The following KIF13A variants were observed in gnomAD, a reference collection of about 807,000 sequenced individuals.
The protein encoded by KIF13A is kinesin family member 13A.
KIF13A carries 79 observed loss-of-function variants against 212.2 expected under a neutral mutation model. That is an observed-to-expected ratio of 0.37 (90% CI 0.31 to 0.45). The LOEUF is 0.45. Ranked by LOEUF, KIF13A falls within the 20% of genes least tolerant of loss-of-function variation. The probability of loss-of-function intolerance (pLI) is 1.00; values close to 1 mark genes in which losing one functional copy is unlikely to be tolerated. For missense variants in KIF13A, 1,901 were observed against 2,209.0 expected (o/e 0.86, Z 2.79); for synonymous variants, 789 against 808.6 (o/e 0.98, Z 0.41).
Position 17,871,315 on chromosome 6 carries a change from AT to A in KIF13A, c.220+2061del, listed in dbSNP as rs1417776070. Among the ~76,000 whole-genome samples the A allele has an allele frequency of 6.6e-6, 1 of 151,870 alleles. No homozygotes were observed. Among genetic ancestry groups the A allele is most frequent in the African/African-American group, 2.4e-5 (1 of 41,324 alleles). On this transcript the variant is annotated intron_variant, in intron 4 of 38. Coordinates refer to ENST00000259711, the MANE Select transcript of KIF13A (RefSeq NM_022113.6). This position sits in a 1 kb window ranked among gnomAD's most constrained non-coding sequence, Gnocchi z 4.4. ...TCCCAGACAATTGGTGCCTTTCCAG[AT>A]TTTCTCTCTTTAAAATCTGGTGCCT...
In KIF13A at chr6:17,793,914, T is replaced by A. The variant is rs551119488; in HGVS notation, c.3222+335A>T. Reference sequence around the variant, plus strand: ...GGCAACAAAGCAAAACCCTATCTTTTAAAAAAAAAACACACACAAAAAAAC... The same window carrying A: ...GGCAACAAAGCAAAACCCTATCTTTAAAAAAAAAAACACACACAAAAAAAC... On this transcript the variant is annotated intron_variant, in intron 25 of 38. Transcript: ENST00000259711. Among the ~76,000 whole-genome samples, 471 of 147,866 alleles carry A rather than the reference T, an allele frequency of 3.2e-3. 4 individuals carry two copies. In the Middle Eastern group the frequency reaches 0.034, roughly 11 times the overall value.
At chr6:17,907,905 G>A (rs528709974) in intron 2 of KIF13A, among the ~76,000 whole-genome samples, 147 of 152,240 alleles carry the variant, frequency 9.7e-4, no homozygotes, top group African/African-American at 3.4e-3. Flanking sequence ...GAATGACATG[G>A]CCAGATCTGT....
In KIF13A at chr6:17,947,494, CGTTGCCT is replaced by C. The variant is rs1777507011; in HGVS notation, c.146+39553_146+39559del. ...TCTTAACTTCAAAAGTTCAAAACTT[CGTTGCCT>C]GTTAAATTTCCTGAATTTGGTAATA... On this transcript the variant is annotated intron_variant, in intron 2 of 38. Coordinates refer to ENST00000259711, the MANE Select transcript of KIF13A (RefSeq NM_022113.6). This position sits in a 1 kb window ranked among gnomAD's most constrained non-coding sequence, Gnocchi z 4.6. Among the ~76,000 whole-genome samples, 1 of 152,132 alleles carries C rather than the reference CGTTGCCT, an allele frequency of 6.6e-6. No individual in the cohort carries two copies. Among genetic ancestry groups the C allele is most frequent in the Non-Finnish European group, 1.5e-5 (1 of 68,016 alleles).
chr6:17,777,418 CTG>C lies in KIF13A; in HGVS notation c.4093-66_4093-65del. 1 of 1,350,990 alleles carries C rather than the reference CTG, an allele frequency of 7.4e-7. No individual in the cohort carries two copies. Among genetic ancestry groups the C allele is most frequent in the Non-Finnish European group, 1.0e-6 (1 of 965,486 alleles). The allele number at this position is 1,350,990 out of a possible 1,614,324, so 83.7% of individuals were successfully genotyped here. ...TTTTCCCCAGAGACAGAGTCTCACT[CTG>C]TTGCCCAGGCTGGAGTGTAGTGATG... On this transcript the variant is annotated intron_variant, in intron 33 of 38. Coordinates refer to ENST00000259711, the MANE Select transcript of KIF13A (RefSeq NM_022113.6). The surrounding 1 kb of genome is among the most constrained non-coding windows in gnomAD (Gnocchi z 4.4).
intron 4 of KIF13A, among the ~76,000 whole-genome samples, chr6:17,865,753 T>C (rs1046609416): frequency 2.0e-5 from 3 of 152,286 alleles, no homozygotes; most frequent in Admixed American, 6.5e-5. Context: ...AAGTCTACCA[T>C]TGAGGTGCCT....
downstream of KIF13A, among the ~76,000 whole-genome samples, chr6:17,762,985 C>T (rs957595890): frequency 6.6e-6 from 1 of 152,218 alleles, no homozygotes. Flanking sequence ...AAGCCTCTTT[C>T]TAGCTCTGTC....
At chr6:17,887,860 AT>A (rs34369336) in intron 3 of KIF13A, among the ~76,000 whole-genome samples, 19,708 of 136,870 alleles carry the variant, frequency 0.14, 2,182 homozygotes, top group African/African-American at 0.33. Flanking sequence ...TGTCCAGCTA[AT>A]TTTTTTTTTT....
rs1435549753 is a variant in KIF13A at position 17,900,059 on chromosome 6, G to A, written c.147-1879C>T. On this transcript the variant is annotated intron_variant, in intron 2 of 38. Coordinates refer to ENST00000259711, the MANE Select transcript of KIF13A (RefSeq NM_022113.6). This position sits in a 1 kb window ranked among gnomAD's most constrained non-coding sequence, Gnocchi z 4.6. The stretch of plus-strand genomic sequence containing the variant: ...ATGAAAATCACTGCTTTATTTAAAA[G>A]AGGAAAGAAAAGTCACTTGGGTTAC... Among the ~76,000 whole-genome samples the A allele has an allele frequency of 6.6e-6, 1 of 152,138 alleles. No homozygotes were observed. Among genetic ancestry groups the A allele is most frequent in the Non-Finnish European group, 1.5e-5 (1 of 68,018 alleles).
chr6:17,910,410 C>T (rs1043046479), intron 2 of KIF13A, among the ~76,000 whole-genome samples: 7 of 152,184 alleles, frequency 4.6e-5, no homozygotes, highest in African/African-American at 1.7e-4. Flanking sequence ...AGGGACCAAA[C>T]AGCTTTCAGT....
intron 38 of KIF13A, among the ~76,000 whole-genome samples, chr6:17,766,557 T>G (rs1238869148): frequency 6.6e-6 from 1 of 152,032 alleles, no homozygotes; most frequent in Non-Finnish European, 1.5e-5. Context: ...TTATTTTTAT[T>G]TATTTATTTT....
At position 17,799,575 on chromosome 6, in the gene KIF13A, C is replaced by A. The variant is rs533318232; in HGVS notation, c.2617-136G>T. 341 of 686,610 alleles carry A rather than the reference C, an allele frequency of 5.0e-4. No homozygotes were observed. The highest frequency in any genetic ancestry group is 7.5e-4 in the Non-Finnish European group (316 of 421,496). 42.5% of individuals were successfully genotyped at this position (686,610 alleles called of 1,614,324 possible). ...CATGTGAAAATATTATATCTGACAC[C>A]GTGACACTAAGGGTTGTATCGATAA... On this transcript the variant is annotated intron_variant, in intron 21 of 38. Transcript: ENST00000259711. The surrounding 1 kb of genome is among the most constrained non-coding windows in gnomAD (Gnocchi z 4.4).
rs1772133651 is a variant in KIF13A at position 17,892,255 on chromosome 6, A to C, written c.159+5913T>G. Among the ~76,000 whole-genome samples the C allele has an allele frequency of 6.6e-6, 1 of 152,226 alleles. No homozygotes were observed. The highest frequency in any genetic ancestry group is 2.4e-5 in the African/African-American group (1 of 41,476). The stretch of plus-strand genomic sequence containing the variant: ...TCTTCTCCTATATGCTGTTAGCATC[A>C]AAGTCCTGGTTACTTTATTTCTGTA... On this transcript the variant is annotated intron_variant, in intron 3 of 38. Transcript: ENST00000259711. This position sits in a 1 kb window ranked among gnomAD's most constrained non-coding sequence, Gnocchi z 4.7.
At position 17,834,156 on chromosome 6, in the gene KIF13A, A is replaced by C. The variant is rs1304252958; in HGVS notation, c.1156-85T>G. 1 of 772,474 alleles carries C rather than the reference A, an allele frequency of 1.3e-6. No homozygotes were observed. 47.9% of individuals were successfully genotyped at this position (772,474 alleles called of 1,614,324 possible). On this transcript the variant is annotated intron_variant, in intron 11 of 38. Coordinates refer to ENST00000259711, the MANE Select transcript of KIF13A (RefSeq NM_022113.6). This position sits in a 1 kb window ranked among gnomAD's most constrained non-coding sequence, Gnocchi z 4.0. ...CAATCAGTTACTGTCCCTCTTAAGC[A>C]GTTATCAATAGTCTGTTGGAAAAAA...
chr6:17,962,629 T>G (rs1404276026), intron 2 of KIF13A, among the ~76,000 whole-genome samples: 1 of 152,152 alleles, frequency 6.6e-6, no homozygotes, highest in African/African-American at 2.4e-5. Flanking sequence ...GGGGGCTGTG[T>G]GCAAGTAAGG....
At chr6:17,848,640 A>G (rs1037910379) in intron 9 of KIF13A, among the ~76,000 whole-genome samples, 1 of 134,658 alleles carries the variant, frequency 7.4e-6, no homozygotes, top group Non-Finnish European at 1.5e-5. Context: ...ATCTCGGCTC[A>G]CTGCAAGCTT....
intron 2 of KIF13A, among the ~76,000 whole-genome samples, chr6:17,948,193 G>C (rs1209833209): frequency 6.6e-6 from 1 of 152,132 alleles, no homozygotes; most frequent in African/African-American, 2.4e-5. Flanking sequence ...CAGACTAAAA[G>C]ATGCTGAAAT....
rs191041933 is a variant in KIF13A, at chr6:17,815,928, A to G, written c.2000+1092T>C. ...GGTTCTTTTTTTTTTTTTTTTTGAGACAAAGTCTCCCTCTTGTCACCCAGG... is the reference window on the plus strand; with the variant it reads ...GGTTCTTTTTTTTTTTTTTTTTGAGGCAAAGTCTCCCTCTTGTCACCCAGG... On this transcript the variant is annotated intron_variant, in intron 17 of 38. Coordinates refer to ENST00000259711, the MANE Select transcript of KIF13A (RefSeq NM_022113.6). Among the ~76,000 whole-genome samples the G allele has an allele frequency of 4.4e-3, 620 of 140,106 alleles. 5 individuals are homozygous for G. The highest frequency in any genetic ancestry group is 0.016 in the African/African-American group (604 of 38,336). 91.9% of individuals were successfully genotyped at this position (140,106 alleles called of 152,430 possible). A position where few individuals can be genotyped will look rare whatever the true frequency, so the allele number is the denominator to read the frequency against.
intron 22 of KIF13A, among the ~76,000 whole-genome samples, chr6:17,797,556 CTT>C (rs1561984971): frequency 2.0e-5 from 3 of 152,114 alleles, no homozygotes; most frequent in Non-Finnish European, 4.4e-5. Flanking sequence ...ATCTTCATGA[CTT>C]TATGCTCTTG....
At chr6:17,923,620 A>T (rs1002613776) in intron 2 of KIF13A, among the ~76,000 whole-genome samples, 4 of 152,012 alleles carry the variant, frequency 2.6e-5, no homozygotes, top group Non-Finnish European at 5.9e-5. Context: ...CCCTCTTCAC[A>T]ATTACTGCAT....
Sources: gnomAD v4.1 joint callset for allele counts (sites outside exome capture counted in the v4.1 genomes callset) on GRCh38, gnomAD v4.1.1 for gene constraint, Gnocchi (gnomAD v3.1) non-coding constraint, MANE v1.5 for transcripts, NCBI Gene and HGNC (gene_info 2026-07-23, HGNC 2026-07-21) for gene names.